Variants in PDE10A observed in about 807,000 individuals in gnomAD.
PDE10A encodes phosphodiesterase 10A, also known as cAMP and cAMP-inhibited cGMP 3',5'-cyclic phosphodiesterase 10A.
A neutral mutation model predicts 97.7 loss-of-function variants in PDE10A; 39 were observed. The observed-to-expected ratio is 0.40, with a 90% CI of 0.31 to 0.52. The LOEUF is 0.52. PDE10A is among the 20% of genes least tolerant of loss of function. The probability of loss-of-function intolerance (pLI) is 0.56; values close to 1 mark genes in which losing one functional copy is unlikely to be tolerated. For synonymous variants in PDE10A, 371 were observed against 376.8 expected (o/e 0.98, Z 0.18); for missense variants, 731 against 1,047.8 (o/e 0.70, Z 4.17).
At chr6:165,806,336 G>A (rs1197409202) in intron 1 of PDE10A, among the ~76,000 whole-genome samples, 1 of 152,158 alleles carries the variant, frequency 6.6e-6, no homozygotes, top group Non-Finnish European at 1.5e-5. Flanking sequence ...AAGGCTCCGC[G>A]TTCTCCATCA....
intron 1 of PDE10A, among the ~76,000 whole-genome samples, chr6:165,618,849 G>A (rs1787846631): frequency 6.6e-6 from 1 of 152,208 alleles, no homozygotes; most frequent in Non-Finnish European, 1.5e-5. Flanking sequence ...CGCATTAAAT[G>A]AATGTTACAT....
At chr6:165,682,872 A>G (rs1276878445) in intron 1 of PDE10A, among the ~76,000 whole-genome samples, 1 of 152,124 alleles carries the variant, frequency 6.6e-6, no homozygotes, top group Non-Finnish European at 1.5e-5. Flanking sequence ...CTTCCAGCAC[A>G]CTGTACCTGC....
intron 1 of PDE10A, among the ~76,000 whole-genome samples, chr6:165,957,905 C>T (rs752430955): frequency 1.3e-5 from 2 of 152,174 alleles, no homozygotes; most frequent in African/African-American, 2.4e-5. Context: ...AGGCCCTGGC[C>T]GAAAATCCAG....
At chr6:165,963,216 A>C (rs1335779597) in intron 1 of PDE10A, among the ~76,000 whole-genome samples, 1 of 152,240 alleles carries the variant, frequency 6.6e-6, no homozygotes, top group African/African-American at 2.4e-5. Flanking sequence ...CTTACACAAG[A>C]GAAGAGCAAA....
chr6:165,476,929 C>T lies in PDE10A; in HGVS notation c.1023+5386G>A, dbSNP rs139867788. ...GCAACTCAGCATCCAAATACTCTTC[C>T]TATTCTGACATTTTTATCTCCCTGT... On this transcript the variant is annotated intron_variant, in intron 3 of 21. Transcript: ENST00000539869. 1.4e-3 allele frequency among the ~76,000 whole-genome samples: 207 copies of T among 152,280 alleles called. 1 individual carries two copies. The East Asian group carries it at 0.014, about 10-fold the overall frequency.
intron 1 of PDE10A, among the ~76,000 whole-genome samples, chr6:165,802,149 C>T (rs1779002470): frequency 6.6e-6 from 1 of 152,194 alleles, no homozygotes; most frequent in Non-Finnish European, 1.5e-5. Context: ...GTGTCTTCTC[C>T]TCTCTCCCTG....
intron 1 of PDE10A, among the ~76,000 whole-genome samples, chr6:165,810,315 G>A (rs1237045064): frequency 1.3e-5 from 2 of 152,134 alleles, no homozygotes; most frequent in Non-Finnish European, 2.9e-5. Flanking sequence ...TTGAATGGTG[G>A]GGTGTGGTAA....
intron 1 of PDE10A, among the ~76,000 whole-genome samples, chr6:165,627,750 C>T (rs77921784): frequency 0.023 from 3,430 of 152,316 alleles, 148 homozygotes; most frequent in African/African-American, 0.079. Context: ...TGTTAAATGG[C>T]ATATCACTAA....
chr6:165,987,781 G>T, exon 1 of PDE10A: 1 of 451,796 alleles, frequency 2.2e-6, no homozygotes, highest in Non-Finnish European at 4.4e-6. Flanking sequence ...ACTCTGGGGT[G>T]CGCGCCGATC....
chr6:165,629,393 T>A (rs1788526937), intron 1 of PDE10A, among the ~76,000 whole-genome samples: 1 of 152,298 alleles, frequency 6.6e-6, no homozygotes, highest in African/African-American at 2.4e-5. Flanking sequence ...CTTAATATCA[T>A]CATACTGCAT....
intron 1 of PDE10A, among the ~76,000 whole-genome samples, chr6:165,870,176 G>T (rs769020178): frequency 1.3e-5 from 2 of 152,180 alleles, no homozygotes; most frequent in Non-Finnish European, 2.9e-5. Flanking sequence ...TGGAATGGGA[G>T]AGAAAATATT....
chr6:165,692,263 G>A (rs927988837), intron 1 of PDE10A, among the ~76,000 whole-genome samples: 4 of 152,146 alleles, frequency 2.6e-5, no homozygotes, highest in Admixed American at 6.5e-5. Flanking sequence ...CCTCCATGGT[G>A]AGATTATAAA....
intron 1 of PDE10A, among the ~76,000 whole-genome samples, chr6:165,920,032 G>A (rs1347885903): frequency 6.6e-6 from 1 of 152,132 alleles, no homozygotes; most frequent in Non-Finnish European, 1.5e-5. Context: ...ACTCTAGTCA[G>A]CAAACTACTG....
At chr6:165,494,742 T>C (rs1397317621) in intron 2 of PDE10A, among the ~76,000 whole-genome samples, 1 of 152,084 alleles carries the variant, frequency 6.6e-6, no homozygotes, top group African/African-American at 2.4e-5. Flanking sequence ...AGGTTTAACA[T>C]AGGGTCATTT....
intron 11 of PDE10A, among the ~76,000 whole-genome samples, chr6:165,417,045 C>T (rs1788368106): frequency 6.6e-6 from 1 of 152,130 alleles, no homozygotes; most frequent in Non-Finnish European, 1.5e-5. Context: ...GTCACAATAT[C>T]TACATTTTAC....
chr6:165,406,228 ATGTGTGTG>A (rs3839483), intron 13 of PDE10A, among the ~76,000 whole-genome samples: 3 of 140,424 alleles, frequency 2.1e-5, no homozygotes, highest in Admixed American at 7.1e-5. Context: ...AGGGAAAAGG[ATGTGTGTG>A]TGTGTGTGTG....
intron 1 of PDE10A, among the ~76,000 whole-genome samples, chr6:165,567,275 T>C (rs1323855937): frequency 2.0e-5 from 3 of 152,178 alleles, no homozygotes; most frequent in Non-Finnish European, 4.4e-5. Context: ...AAGTGTTACC[T>C]TAAGGGGTTA....
At chr6:165,839,041 T>A (rs749397584) in intron 1 of PDE10A, among the ~76,000 whole-genome samples, 14 of 152,348 alleles carry the variant, frequency 9.2e-5, no homozygotes, top group Non-Finnish European at 1.5e-4. Context: ...TCTGGGTTAG[T>A]AATCCTTTCC....
intron 1 of PDE10A, among the ~76,000 whole-genome samples, chr6:165,769,216 C>T (rs984544074): frequency 2.0e-5 from 3 of 152,226 alleles, no homozygotes; most frequent in East Asian, 1.9e-4. Flanking sequence ...GTACTTGCTG[C>T]GTGGCTGGAA....
Sources: gnomAD v4.1 joint callset for allele counts (sites outside exome capture counted in the v4.1 genomes callset) on GRCh38, gnomAD v4.1.1 for gene constraint, MANE v1.5 for transcripts, NCBI Gene and HGNC (gene_info 2026-07-23, HGNC 2026-07-21) for gene names.